SGCZ: variants seen among roughly 807,000 people sequenced by gnomAD.
The protein encoded by SGCZ is zeta-sarcoglycan.
In SGCZ, 40 loss-of-function variants were observed where a neutral mutation model predicts 41.3. The ratio of observed to expected loss-of-function variants is 0.97; its 90% CI spans 0.75 to 1.26. The LOEUF (loss-of-function observed/expected upper bound fraction) is 1.26, where lower values mean the gene tolerates loss of function less well. Among genes scored for constraint, SGCZ ranks in the 50% most tolerant of loss-of-function variants. The probability of loss-of-function intolerance (pLI) is 0.00; values close to 1 mark genes in which losing one functional copy is unlikely to be tolerated. For missense variants in SGCZ, 552 were observed against 369.8 expected (o/e 1.49, Z -4.04); for synonymous variants, 206 against 137.5 (o/e 1.50, Z -3.49).
At chr8:14,603,323 C>T (rs1805651653) in intron 1 of SGCZ, among the ~76,000 whole-genome samples, 1 of 151,832 alleles carries the variant, frequency 6.6e-6, no homozygotes, top group Admixed American at 6.6e-5. Flanking sequence ...GAACTGAAAA[C>T]AATATATCAG....
At chr8:14,219,851 A>AATTTC (rs3068456) in intron 4 of SGCZ, among the ~76,000 whole-genome samples, 107,218 of 151,742 alleles carry the variant, frequency 0.71, 38,648 homozygotes, top group African/African-American at 0.83. Flanking sequence ...GCACCTCGAA[A>AATTTC]ATTTCTTGTA....
intron 1 of SGCZ, among the ~76,000 whole-genome samples, chr8:14,655,894 C>T (rs183874570): frequency 1.3e-5 from 2 of 152,130 alleles, no homozygotes; most frequent in African/African-American, 4.8e-5. Flanking sequence ...CTTTTTTACT[C>T]AGCATAATTT....
At chr8:14,982,623 G>C (rs988479381) in intron 1 of SGCZ, among the ~76,000 whole-genome samples, 1 of 152,142 alleles carries the variant, frequency 6.6e-6, no homozygotes, top group Admixed American at 6.5e-5. Context: ...TAACTTCTGA[G>C]ACTATTGTAA....
chr8:14,750,704 A>G (rs763100959), intron 1 of SGCZ, among the ~76,000 whole-genome samples: 9 of 152,226 alleles, frequency 5.9e-5, no homozygotes, highest in African/African-American at 1.9e-4. Flanking sequence ...GAACTAGAAT[A>G]TTTGAAGCAC....
At chr8:14,141,533 G>C (rs1383356468) in intron 5 of SGCZ, among the ~76,000 whole-genome samples, 1 of 152,160 alleles carries the variant, frequency 6.6e-6, no homozygotes, top group Non-Finnish European at 1.5e-5. Flanking sequence ...CTCAAAAGAA[G>C]ACATTTATGC....
intron 5 of SGCZ, among the ~76,000 whole-genome samples, chr8:14,132,595 AT>A (rs1285882874): frequency 6.6e-6 from 1 of 152,060 alleles, no homozygotes; most frequent in Non-Finnish European, 1.5e-5. Context: ...GTTTTTGTCC[AT>A]GTTTTTCTTT....
intron 1 of SGCZ, among the ~76,000 whole-genome samples, chr8:14,784,186 G>A (rs991825291): frequency 6.6e-6 from 1 of 151,110 alleles, no homozygotes; most frequent in African/African-American, 2.4e-5. Context: ...TAGTAGCAGG[G>A]AACACAGGCA....
rs1426509201 is a variant in SGCZ at position 14,463,271 on chromosome 8, G to A, written c.234+91461C>T. Among the ~76,000 whole-genome samples the A allele has an allele frequency of 1.3e-5, 2 of 151,072 alleles. 1 individual carries two copies. The highest frequency in any genetic ancestry group is 3.0e-5 in the Non-Finnish European group (2 of 67,604). On this transcript the variant is annotated intron_variant, in intron 2 of 7. Transcript: ENST00000382080. The stretch of plus-strand genomic sequence containing the variant: ...AGCCAAAAAACAGCTTGAAAAAGAA[G>A]AACAAACTGGGAGGGCTCACACTTT...
chr8:14,239,800 G>A (rs1036447111), intron 3 of SGCZ, among the ~76,000 whole-genome samples: 11 of 147,444 alleles, frequency 7.5e-5, no homozygotes, highest in African/African-American at 2.5e-4. Context: ...TACTTGGGAG[G>A]CTGAGGCAGG....
chr8:14,144,174 G>A (rs73522487), intron 5 of SGCZ, among the ~76,000 whole-genome samples: 26,871 of 152,012 alleles, frequency 0.18, 3,166 homozygotes, highest in East Asian at 0.63. Context: ...GGTAATACTG[G>A]CATCATCCGT....
chr8:15,233,980 C>G (rs1027262350), intron 1 of SGCZ, among the ~76,000 whole-genome samples: 1 of 152,094 alleles, frequency 6.6e-6, no homozygotes, highest in African/African-American at 2.4e-5. Context: ...CATCTGAAAG[C>G]ATGACTTAAT....
intron 3 of SGCZ, among the ~76,000 whole-genome samples, chr8:14,283,320 AACTCTCCATCC>A (rs1481790519): frequency 6.6e-6 from 1 of 152,064 alleles, no homozygotes; most frequent in Admixed American, 6.6e-5. Context: ...ACTTTTCCAA[AACTCTCCATCC>A]ACTTTCCTCT....
rs867022438 is a variant in SGCZ, at chr8:15,149,711, C to T, written c.39+87874G>A. On this transcript the variant is annotated intron_variant, in intron 1 of 7. Coordinates refer to ENST00000382080, the MANE Select transcript of SGCZ (RefSeq NM_139167.4). Reference sequence around the variant, plus strand: ...CGACTGCTGGTATAACTATAAACTACAAAAAAAAAAAAAAAAAAAAAGCCT... The same window carrying T: ...CGACTGCTGGTATAACTATAAACTATAAAAAAAAAAAAAAAAAAAAAGCCT... Among the ~76,000 whole-genome samples the T allele has an allele frequency of 4.7e-4, 27 of 57,260 alleles. No homozygotes were observed. The South Asian group carries it at 0.013, about 27-fold the overall frequency. 37.6% of individuals were successfully genotyped at this position (57,260 alleles called of 152,430 possible).
chr8:15,111,466 C>T (rs1807050470), intron 1 of SGCZ, among the ~76,000 whole-genome samples: 1 of 152,166 alleles, frequency 6.6e-6, no homozygotes, highest in South Asian at 2.1e-4. Context: ...AAGCCACGGG[C>T]CAAATCCTTC....
At chr8:15,121,036 A>G (rs1194194477) in intron 1 of SGCZ, among the ~76,000 whole-genome samples, 2 of 152,212 alleles carry the variant, frequency 1.3e-5, no homozygotes. Context: ...CAACAGATAA[A>G]TGCTTTGAAA....
intron 1 of SGCZ, among the ~76,000 whole-genome samples, chr8:14,592,896 T>C (rs541289228): frequency 3.9e-4 from 60 of 152,322 alleles, no homozygotes; most frequent in African/African-American, 1.4e-3. Context: ...ACATAATGTT[T>C]CTTAGCTCAC....
chr8:14,164,021 C>A (rs1482499209), intron 5 of SGCZ, among the ~76,000 whole-genome samples: 2 of 152,048 alleles, frequency 1.3e-5, no homozygotes, highest in Non-Finnish European at 2.9e-5. Context: ...CCCACTTTTA[C>A]CTTTTTTAAA....
chr8:14,102,518 A>G lies in SGCZ; in HGVS notation c.621-19T>C. 1 of 1,384,494 alleles carries G rather than the reference A, an allele frequency of 7.2e-7. No homozygotes were observed. The highest frequency in any genetic ancestry group is 2.6e-5 in the East Asian group (1 of 38,078). The allele number at this position is 1,384,494 out of a possible 1,614,324, so 85.8% of individuals were successfully genotyped here. ...TTCAAGCCTAAGGGAAAAACAAAAAATCATTAATAGGAAAAAAAAACACAA... is the reference window on the plus strand; with the variant it reads ...TTCAAGCCTAAGGGAAAAACAAAAAGTCATTAATAGGAAAAAAAAACACAA... On this transcript the variant is annotated intron_variant, in intron 6 of 7. Transcript: ENST00000382080.
chr8:14,157,005 A>G (rs1276067042), intron 5 of SGCZ, among the ~76,000 whole-genome samples: 1 of 152,180 alleles, frequency 6.6e-6, no homozygotes. Context: ...AAATACATAA[A>G]TCAGTAACAG....
Sources: allele counts gnomAD v4.1 joint callset (sites outside exome capture counted in the v4.1 genomes callset), GRCh38; gene constraint gnomAD v4.1.1; transcripts MANE v1.5; gene names NCBI Gene and HGNC (gene_info 2026-07-23, HGNC 2026-07-21).